Variants in STK11 observed in about 807,000 individuals in gnomAD.
STK11 encodes the protein serine/threonine-protein kinase STK11.
Under a neutral mutation model 47.3 loss-of-function variants are expected in STK11, and 8 were observed. That is an observed-to-expected ratio of 0.17 (90% CI 0.10 to 0.31). The LOEUF is 0.31. Ranked by LOEUF, STK11 falls within the 10% of genes least tolerant of loss-of-function variation. The pLI is 1.00. For synonymous variants in STK11, 330 were observed against 255.8 expected, an observed-to-expected ratio of 1.29 and a Z score of -2.77; for missense variants, 475 against 605.0, an observed-to-expected ratio of 0.79 and a Z score of 2.25.
In STK11 at chr19:1,212,184, C is replaced by T. The variant is rs143149298; in HGVS notation, c.290+4981C>T. On this transcript the variant is annotated intron_variant, in intron 1 of 9. Coordinates refer to ENST00000326873, the MANE Select transcript of STK11 (RefSeq NM_000455.5). Reference sequence around the variant, plus strand: ...CTCAGGATCTGGGGCGCTGCTGTAGCTGTCGGGGAATCAGTGAGGCGGCTG... The same window carrying T: ...CTCAGGATCTGGGGCGCTGCTGTAGTTGTCGGGGAATCAGTGAGGCGGCTG... 9.6e-3 allele frequency among the ~76,000 whole-genome samples: 1,458 copies of T among 151,112 alleles called. 12 individuals carry two copies. The highest frequency in any genetic ancestry group is 0.014 in the Non-Finnish European group (955 of 67,812).
Position 1,221,975 on chromosome 19 carries a change from A to G in STK11, c.889A>G (p.Arg297Gly), listed in dbSNP as rs730881978. Residue 297 changes from arginine (R) to glycine (G), a missense_variant, in exon 7 of 10, where the codon AGG becomes GGG. Transcript: ENST00000326873. Reference protein sequence around the residue: ...KGMLEYEPAKRFSIRQIRQHS... With the variant: ...KGMLEYEPAKGFSIRQIRQHS... ...GATGCTTGAGTACGAACCGGCCAAG[A>G]GGTTCTCCATCCGGCAGATCCGGCA... 6.4e-7 allele frequency: 1 copy of G among 1,567,722 alleles called. No homozygotes were observed. The highest frequency in any genetic ancestry group is 1.4e-5 in the African/African-American group (1 of 73,746).
chr19:1,219,550 T>C (rs1252288394), intron 3 of STK11, 137 bp downstream of exon 3: 8 of 946,742 alleles, frequency 8.5e-6, no homozygotes, highest in Non-Finnish European at 1.2e-5. Flanking sequence ...TTTTGTTTTT[T>C]TGTGTTTTTT....
chr19:1,210,312 A>G (rs1183487278), intron 1 of STK11, among the ~76,000 whole-genome samples: 2 of 152,180 alleles, frequency 1.3e-5, no homozygotes, highest in Non-Finnish European at 2.9e-5. Context: ...GTGTGTGGGA[A>G]GTTTAATAAA....
In STK11 at chr19:1,221,756, G is replaced by A. The variant is rs543073694; in HGVS notation, c.863-193G>A. ...GCCCAGCCCTGTCTCCCTGCCAGCC[G>A]CGCACAGGCTGTCCCCGGCATGTCC... On this transcript the variant is annotated intron_variant, in intron 6 of 9. Transcript: ENST00000326873. The A allele has an allele frequency of 8.6e-4, 562 of 651,352 alleles. 4 individuals are homozygous for A. Among genetic ancestry groups the A allele is most frequent in the Admixed American group, 1.8e-3 (65 of 36,894 alleles). The allele number at this position is 651,352 out of a possible 1,614,324, so 40.3% of individuals were successfully genotyped here.
intron 7 of STK11, 22 bp downstream of exon 7, chr19:1,222,028 TG>T: frequency 6.4e-7 from 1 of 1,560,324 alleles, no homozygotes. Context: ...CTGGGGGCAG[TG>T]GGGCCGAGGC....
intron 8 of STK11, chr19:1,224,460 T>C (rs2080807341): frequency 1.0e-6 from 1 of 985,276 alleles, no homozygotes; most frequent in African/African-American, 1.7e-5. Context: ...CAGGGTCTTC[T>C]GCCTTTCAGA....
chr19:1,207,502 T>C (rs917813701), intron 1 of STK11, among the ~76,000 whole-genome samples: 32 of 152,176 alleles, frequency 2.1e-4, no homozygotes, highest in Non-Finnish European at 2.9e-5. Context: ...CCCAATCCCC[T>C]AAGACTAGCC....
intron 3 of STK11, 33 bp downstream of exon 3, chr19:1,219,446 G>GGGGGCC (rs2145422708): frequency 5.8e-6 from 9 of 1,542,226 alleles, no homozygotes; most frequent in South Asian, 1.2e-5. Flanking sequence ...AGGGTGGGGC[G>GGGGGCC]GGGGCCGGGG....
At position 1,219,425 on chromosome 19, in the gene STK11, G is replaced by C. The variant is rs113069959; in HGVS notation, c.464+12G>C. 8 of 1,567,466 alleles carry C rather than the reference G, an allele frequency of 5.1e-6. No individual in the cohort carries two copies. The African/African-American group carries it at 6.9e-5, about 13-fold the overall frequency. ...TGCCAGGCCCACGGGTGCGTGCGCG[G>C]GGCAGGGGCCAGGGTGGGGCGGGGG... On this transcript the variant is annotated intron_variant, in intron 3 of 9. Transcript: ENST00000326873.
chr19:1,208,784 A>ATTTTT (rs138858798), intron 1 of STK11, among the ~76,000 whole-genome samples: 2 of 121,772 alleles, frequency 1.6e-5, no homozygotes, highest in Non-Finnish European at 1.7e-5. Flanking sequence ...TGCCCAGCTA[A>ATTTTT]TTTTTTTTTT....
Position 1,227,623 on chromosome 19 carries a change from C to A in STK11, c.*47C>A. On this transcript the variant is annotated 3_prime_UTR_variant, in exon 10 of 10. Transcript: ENST00000326873. ...GTCCAGGAGCCCCGCCAGGTGCCCG[C>A]GCCAGGCCCTCAGTCTTCCTGCCGG... 1 of 1,066,648 alleles carries A rather than the reference C, an allele frequency of 9.4e-7. No homozygotes were observed. Among genetic ancestry groups the A allele is most frequent in the Non-Finnish European group, 1.1e-6 (1 of 880,146 alleles). The allele number at this position is 1,066,648 out of a possible 1,614,324, so 66.1% of individuals were successfully genotyped here.
rs869312654 is a variant in STK11 at position 1,219,944 on chromosome 19, C to T, written c.465-429C>T. The T allele has an allele frequency of 1.4e-4, 27 of 198,652 alleles. No homozygotes were observed. Among genetic ancestry groups the T allele is most frequent in the Non-Finnish European group, 2.7e-4 (26 of 96,808 alleles). The allele number at this position is 198,652 out of a possible 1,614,324, so 12.3% of individuals were successfully genotyped here. A position where few individuals can be genotyped will look rare whatever the true frequency, so the allele number is the denominator to read the frequency against. On this transcript the variant is annotated intron_variant, in intron 3 of 9. Transcript: ENST00000326873. ...ACCTCCCGCCTCCATCTTTGCTGGG[C>T]CTGCTGCCTGAGGCCAGTGGCCTGC...
chr19:1,226,110 A>T (rs1247514728), intron 8 of STK11: 12 of 1,128,450 alleles, frequency 1.1e-5, no homozygotes, highest in Non-Finnish European at 1.3e-5. Flanking sequence ...AGGGTGCCCC[A>T]GGGGAGCACG....
At chr19:1,210,942 C>G (rs1284578302) in intron 1 of STK11, among the ~76,000 whole-genome samples, 1 of 152,106 alleles carries the variant, frequency 6.6e-6, no homozygotes, top group Non-Finnish European at 1.5e-5. Flanking sequence ...GCGGTTTGAT[C>G]ACAAGGTCAG....
intron 1 of STK11, among the ~76,000 whole-genome samples, chr19:1,207,433 G>C (rs1471956495): frequency 6.6e-6 from 1 of 152,182 alleles, no homozygotes; most frequent in Non-Finnish European, 1.5e-5. Context: ...GTTTGCATGG[G>C]CTCTTGGACT....
In STK11 at chr19:1,219,393, C is replaced by T. The variant is rs1283208395; in HGVS notation, c.444C>T (p.Phe148=). Residue 148 remains phenylalanine, a synonymous_variant, in exon 3 of 10, where the codon TTC becomes TTT. Transcript: ENST00000326873. ...TGGACAGCGTGCCGGAGAAGCGTTT[C>T]CCAGTGTGCCAGGCCCACGGGTGCG... ...EMLDSVPEKR[F]PVCQAHGYFC... is the part of the protein sequence containing the mutation. 1 of 1,544,836 alleles carries T rather than the reference C, an allele frequency of 6.5e-7. No individual in the cohort carries two copies. The highest frequency in any genetic ancestry group is 8.7e-7 in the Non-Finnish European group (1 of 1,145,820).
chr19:1,224,974 C>G (rs1334208535), intron 8 of STK11: 1 of 985,598 alleles, frequency 1.0e-6, no homozygotes, highest in Non-Finnish European at 1.2e-6. Flanking sequence ...GTCAGGCCAT[C>G]CTCTGCGCTC....
Position 1,222,023 on chromosome 19 carries a change from G to T in STK11, c.920+17G>T, listed in dbSNP as rs2080788358. ...GCAGCACAGGTGAGCGGCCCCTGGGGGCAGTGGGGCCGAGGCTGCAGGGAG... is the reference window on the plus strand; with the variant it reads ...GCAGCACAGGTGAGCGGCCCCTGGGTGCAGTGGGGCCGAGGCTGCAGGGAG... On this transcript the variant is annotated intron_variant, in intron 7 of 9. Coordinates refer to ENST00000326873, the MANE Select transcript of STK11 (RefSeq NM_000455.5). 6.4e-7 allele frequency: 1 copy of T among 1,562,448 alleles called. No homozygotes were observed. The highest frequency in any genetic ancestry group is 8.7e-7 in the Non-Finnish European group (1 of 1,154,090).
In STK11 at chr19:1,206,413, G is replaced by A. The variant is rs1049568752; in HGVS notation, c.-501G>A. The A allele has an allele frequency of 5.1e-5, 12 of 234,356 alleles. No individual in the cohort carries two copies. The highest frequency in any genetic ancestry group is 9.2e-5 in the Non-Finnish European group (11 of 118,926). The allele number at this position is 234,356 out of a possible 1,614,324, so 14.5% of individuals were successfully genotyped here. On this transcript the variant is annotated 5_prime_UTR_variant, in exon 1 of 10. Coordinates refer to ENST00000326873, the MANE Select transcript of STK11 (RefSeq NM_000455.5). Reference sequence around the variant, plus strand: ...CGTCGCCGGAGACGCCCCCAGCGAAGTTGGGCTCTCCAGGTGTGGGGGTCC... The same window carrying A: ...CGTCGCCGGAGACGCCCCCAGCGAAATTGGGCTCTCCAGGTGTGGGGGTCC...
Sources: allele counts gnomAD v4.1 joint callset (sites outside exome capture counted in the v4.1 genomes callset), GRCh38; gene constraint gnomAD v4.1.1; transcripts MANE v1.5; gene names NCBI Gene and HGNC (gene_info 2026-07-23, HGNC 2026-07-21).